Variants in TRMT1L observed in about 807,000 individuals in gnomAD.
TRMT1L encodes tRNA methyltransferase 1L.
Under a neutral mutation model 81.6 loss-of-function variants are expected in TRMT1L, and 28 were observed. That is an observed-to-expected ratio of 0.34 (90% CI 0.25 to 0.47). The LOEUF is 0.47. TRMT1L is among the 20% of genes least tolerant of loss of function. The pLI, the probability that TRMT1L is intolerant of heterozygous loss-of-function variation, is 1.00. For missense variants in TRMT1L, 739 were observed against 877.1 expected (o/e 0.84, Z 1.99); for synonymous variants, 301 against 303.2 (o/e 0.99, Z 0.07).
intron 14 of TRMT1L, 37 bp downstream of exon 14, chr1:185,120,346 A>G: frequency 6.8e-7 from 1 of 1,462,688 alleles, no homozygotes; most frequent in South Asian, 1.6e-5. Context: ...ATTAAAATAT[A>G]AAATATATAT....
chr1:185,136,828 A>G (rs535138274), intron 10 of TRMT1L, among the ~76,000 whole-genome samples: 12 of 152,344 alleles, frequency 7.9e-5, no homozygotes, highest in African/African-American at 2.9e-4. Flanking sequence ...GAAATTTAGT[A>G]TAAGATAAAG....
At position 185,119,831 on chromosome 1, in the gene TRMT1L, C is replaced by CA. The variant is rs1404058821; in HGVS notation, c.*187dup. 1.4e-3 allele frequency: 912 copies of CA among 632,546 alleles called. No individual in the cohort carries two copies. The highest frequency in any genetic ancestry group is 1.7e-3 in the South Asian group (40 of 23,758). The allele number at this position is 632,546 out of a possible 1,614,324, so 39.2% of individuals were successfully genotyped here. ...TTAAAATTTTAAGTTTGCCTTAAAA[C>CA]AAAAAAAAACTTGGAAAGCAAAGCT... On this transcript the variant is annotated 3_prime_UTR_variant, in exon 15 of 15. Coordinates refer to ENST00000367506, the MANE Select transcript of TRMT1L (RefSeq NM_030934.5).
chr1:185,153,307 G>C (rs1045864337), intron 1 of TRMT1L, among the ~76,000 whole-genome samples: 3 of 152,114 alleles, frequency 2.0e-5, no homozygotes, highest in African/African-American at 7.2e-5. Context: ...ACCCGCTACT[G>C]ATTATTATAG....
Position 185,143,413 on chromosome 1 carries a change from G to A in TRMT1L, c.803C>T (p.Ala268Val). The A allele has an allele frequency of 1.9e-6, 3 of 1,611,204 alleles. 1 individual carries two copies. Among genetic ancestry groups the A allele is most frequent in the Non-Finnish European group, 8.5e-7 (1 of 1,178,366 alleles). Residue 268 changes from alanine to valine, a missense_variant, in exon 7 of 15, where the codon GCT becomes GTT. Ala to Val is a moderately conservative substitution (Grantham distance 64). Coordinates refer to ENST00000367506, the MANE Select transcript of TRMT1L (RefSeq NM_030934.5). ...LNRQLIFCTL[A>V]ALAEERKPLE... ...AGGTTTTCGTTCCTCAGCCAAAGCA[G>A]CCAATGTACAGAATATTAGCTGCCT...
intron 13 of TRMT1L, 23 bp downstream of exon 13, chr1:185,123,834 T>C: frequency 1.4e-6 from 2 of 1,445,856 alleles, no homozygotes; most frequent in Non-Finnish European, 1.8e-6. Flanking sequence ...TGTACATATG[T>C]ACACACATAT....
At chr1:185,144,454 G>C (rs1422725079) in intron 5 of TRMT1L, among the ~76,000 whole-genome samples, 3 of 151,850 alleles carry the variant, frequency 2.0e-5, no homozygotes, top group Non-Finnish European at 4.4e-5. Flanking sequence ...ACTCCATATG[G>C]CTGCATTCCA....
At chr1:185,140,875 G>A (rs908921482) in intron 7 of TRMT1L, among the ~76,000 whole-genome samples, 2 of 151,140 alleles carry the variant, frequency 1.3e-5, no homozygotes, top group Non-Finnish European at 3.0e-5. Flanking sequence ...AGCTACTTTT[G>A]GGAGGCTGAG....
rs1652408580 is a variant in TRMT1L at position 185,118,180 on chromosome 1, A to G, written c.*1839T>C. The G allele has an allele frequency of 6.6e-6, 1 of 152,192 alleles. No homozygotes were observed. The highest frequency in any genetic ancestry group is 1.5e-5 in the Non-Finnish European group (1 of 68,030). 9.4% of individuals were successfully genotyped at this position (152,192 alleles called of 1,614,324 possible). On this transcript the variant is annotated 3_prime_UTR_variant, in exon 15 of 15. Transcript: ENST00000367506. ...ATAAACATTTGCAATGTCCCAAATT[A>G]CTACTATTGTTACGAGAATAAGATT...
At position 185,127,545 on chromosome 1, in the gene TRMT1L, G is replaced by A. The variant is rs184705515; in HGVS notation, c.1592+1124C>T. On this transcript the variant is annotated intron_variant, in intron 11 of 14. Coordinates refer to ENST00000367506, the MANE Select transcript of TRMT1L (RefSeq NM_030934.5). ...GGCCGAGGCGGGTGGATCACTTGAG[G>A]TCGGGAGTTTGATATCAGCCTGACC... 1.7e-3 allele frequency among the ~76,000 whole-genome samples: 252 copies of A among 151,940 alleles called. 2 individuals carry two copies. The Middle Eastern group carries it at 0.024, about 14-fold the overall frequency.
chr1:185,154,157 A>G (rs892968611), intron 1 of TRMT1L, among the ~76,000 whole-genome samples: 7 of 152,302 alleles, frequency 4.6e-5, no homozygotes, highest in Admixed American at 2.6e-4. Context: ...GCACTATCAG[A>G]CACTCCTGCT....
At chr1:185,148,445 G>A (rs886268816) in intron 3 of TRMT1L, among the ~76,000 whole-genome samples, 16 of 151,956 alleles carry the variant, frequency 1.1e-4, no homozygotes, top group African/African-American at 3.6e-4. Flanking sequence ...CCATTCCTTC[G>A]GCAGATTTGG....
At chr1:185,134,447 A>C (rs552742296) in intron 10 of TRMT1L, among the ~76,000 whole-genome samples, 1 of 152,314 alleles carries the variant, frequency 6.6e-6, no homozygotes, top group South Asian at 2.1e-4. Flanking sequence ...TCAGCCTCCC[A>C]AACTGTTGGG....
At chr1:185,151,218 A>G (rs1466395177) in intron 2 of TRMT1L, among the ~76,000 whole-genome samples, 1 of 152,194 alleles carries the variant, frequency 6.6e-6, no homozygotes, top group Non-Finnish European at 1.5e-5. Context: ...AGAATCATTA[A>G]TAACTCATTT....
In TRMT1L at chr1:185,156,814, G is replaced by T; in HGVS notation, c.-102C>A. 1 of 1,491,020 alleles carries T rather than the reference G, an allele frequency of 6.7e-7. No homozygotes were observed. The highest frequency in any genetic ancestry group is 9.0e-7 in the Non-Finnish European group (1 of 1,111,594). 92.4% of individuals were successfully genotyped at this position (1,491,020 alleles called of 1,614,324 possible). On this transcript the variant is annotated 5_prime_UTR_variant, in exon 1 of 15. Coordinates refer to ENST00000367506, the MANE Select transcript of TRMT1L (RefSeq NM_030934.5). ...GCCCACAGGGCTGGATCCAAGGAGT[G>T]GGGAAGCAAGTGGGGAGGGCGGGAT...
chr1:185,144,076 C>A (rs1653121719), intron 5 of TRMT1L, 47 bp from the exon 6 acceptor site: 5 of 1,517,722 alleles, frequency 3.3e-6, no homozygotes, highest in African/African-American at 2.9e-5. Flanking sequence ...CAAAATAATT[C>A]TAAACAAAAG....
chr1:185,134,790 A>G (rs930158604), intron 10 of TRMT1L, among the ~76,000 whole-genome samples: 1 of 152,236 alleles, frequency 6.6e-6, no homozygotes, highest in Non-Finnish European at 1.5e-5. Context: ...TGAAGGAAAC[A>G]AAGTAGTATT....
intron 1 of TRMT1L, among the ~76,000 whole-genome samples, chr1:185,155,304 A>G (rs1653471872): frequency 6.6e-6 from 1 of 152,224 alleles, no homozygotes; most frequent in Non-Finnish European, 1.5e-5. Context: ...GTAGGAGGCT[A>G]CTTAGGAGGG....
Position 185,121,443 on chromosome 1 carries a change from T to TA in TRMT1L, c.1823-935dup, listed in dbSNP as rs879814063. Among the ~76,000 whole-genome samples, 285 of 144,318 alleles carry TA rather than the reference T, an allele frequency of 2.0e-3. 1 individual carries two copies. The highest frequency in any genetic ancestry group is 5.4e-3 in the African/African-American group (211 of 39,398). The allele number at this position is 144,318 out of a possible 152,430, so 94.7% of individuals were successfully genotyped here. A position where few individuals can be genotyped will look rare whatever the true frequency, so the allele number is the denominator to read the frequency against. Reference sequence around the variant, plus strand: ...AGCAACACAGTGAGACCCTGTCTCTTAAAAAAAAAAAAGTATTGAAAAGGC... The same window carrying TA: ...AGCAACACAGTGAGACCCTGTCTCTTAAAAAAAAAAAAAGTATTGAAAAGGC... On this transcript the variant is annotated intron_variant, in intron 13 of 14. Transcript: ENST00000367506.
At chr1:185,156,037 G>C (rs1034098949) in intron 1 of TRMT1L, among the ~76,000 whole-genome samples, 1 of 152,232 alleles carries the variant, frequency 6.6e-6, no homozygotes, top group African/African-American at 2.4e-5. Context: ...CTAGTTGACA[G>C]TAATGGTTTA....
Sources: gnomAD v4.1 joint callset for allele counts (sites outside exome capture counted in the v4.1 genomes callset) on GRCh38, gnomAD v4.1.1 for gene constraint, MANE v1.5 for transcripts, NCBI Gene and HGNC (gene_info 2026-07-23, HGNC 2026-07-21) for gene names.